The following GAS2 variants were observed in gnomAD, a reference collection of about 807,000 sequenced individuals.
GAS2 encodes the protein growth arrest specific 2, also known as growth arrest-specific protein 2.
Under a neutral mutation model 37.5 loss-of-function variants are expected in GAS2, and 20 were observed. That is an observed-to-expected ratio of 0.53 (90% CI 0.37 to 0.77). GAS2 has a LOEUF of 0.77. GAS2 is among the 30% of genes least tolerant of loss of function. The pLI, the probability that GAS2 is intolerant of heterozygous loss-of-function variation, is 0.00. For synonymous variants in GAS2, 144 were observed against 132.2 expected (o/e 1.09, Z -0.61); for missense variants, 336 against 373.4 (o/e 0.90, Z 0.82).
At chr11:22,700,165 A>G (rs148451692) in intron 3 of GAS2, among the ~76,000 whole-genome samples, 2 of 152,278 alleles carry the variant, frequency 1.3e-5, no homozygotes, top group Admixed American at 1.3e-4. Context: ...ATCCTTGAGT[A>G]CATAGTTTAT....
At chr11:22,688,233 T>C (rs890042418) in intron 3 of GAS2, 1 of 152,184 alleles carries the variant, frequency 6.6e-6, no homozygotes, top group Non-Finnish European at 1.5e-5. Context: ...CATAGAGCAT[T>C]GCACAAAATA....
At chr11:22,769,513 A>G (rs542990448) in intron 7 of GAS2, among the ~76,000 whole-genome samples, 1 of 152,376 alleles carries the variant, frequency 6.6e-6, no homozygotes, top group East Asian at 1.9e-4. Context: ...ATGTATACAT[A>G]TATCAACTAG....
intron 3 of GAS2, among the ~76,000 whole-genome samples, chr11:22,719,160 AT>A (rs1314603537): frequency 6.6e-6 from 1 of 152,026 alleles, no homozygotes; most frequent in Non-Finnish European, 1.5e-5. Context: ...CACTCCACTT[AT>A]TTTTTTCTGA....
At chr11:22,664,265 A>G (rs11026721), upstream of GAS2, among the ~76,000 whole-genome samples, 564 of 152,274 alleles carry the variant, frequency 3.7e-3, 13 homozygotes, top group East Asian at 0.075. Flanking sequence ...AGTGAGTACT[A>G]CATATATTAT....
At chr11:22,659,369 A>G (rs1237702384) in intron 1 of GAS2, among the ~76,000 whole-genome samples, 1 of 152,220 alleles carries the variant, frequency 6.6e-6, no homozygotes, top group African/African-American at 2.4e-5. Flanking sequence ...AGGCACTTTC[A>G]GTCTCCTGGC....
chr11:22,670,449 G>C (rs1849154979), intron 1 of GAS2, among the ~76,000 whole-genome samples: 1 of 152,052 alleles, frequency 6.6e-6, no homozygotes, highest in Non-Finnish European at 1.5e-5. Flanking sequence ...ATTATCTACT[G>C]TATCATTAAT....
intron 7 of GAS2, among the ~76,000 whole-genome samples, chr11:22,769,288 G>C: frequency 6.6e-6 from 1 of 152,194 alleles, no homozygotes; most frequent in East Asian, 1.9e-4. Context: ...GCAGGTAGGG[G>C]CATGCATTCC....
rs1381067958 is a variant in GAS2 at position 22,812,825 on chromosome 11, T to A, written c.*809T>A. Reference sequence around the variant, plus strand: ...AAAGCATTTTCTTATTAAAAATATATCTTTAGTTAATCCTATTTTGCTATG... The same window carrying A: ...AAAGCATTTTCTTATTAAAAATATAACTTTAGTTAATCCTATTTTGCTATG... On this transcript the variant is annotated 3_prime_UTR_variant, in exon 8 of 8. Coordinates refer to ENST00000454584, the MANE Select transcript of GAS2 (RefSeq NM_001143830.3). 1.3e-5 allele frequency: 2 copies of A among 152,272 alleles called. No individual in the cohort carries two copies. Among genetic ancestry groups the A allele is most frequent in the African/African-American group, 4.9e-5 (2 of 41,142 alleles). 9.4% of individuals were successfully genotyped at this position (152,272 alleles called of 1,614,324 possible).
chr11:22,696,523 C>G (rs1378244024), intron 3 of GAS2, among the ~76,000 whole-genome samples: 1 of 152,188 alleles, frequency 6.6e-6, no homozygotes, highest in South Asian at 2.1e-4. Flanking sequence ...GCCACACTGA[C>G]TTCCACAATG....
intron 3 of GAS2, among the ~76,000 whole-genome samples, chr11:22,695,440 G>C (rs374271514): frequency 6.6e-6 from 1 of 152,064 alleles, no homozygotes; most frequent in African/African-American, 2.4e-5. Flanking sequence ...GGAGCATACC[G>C]GGTGTAGAGG....
chr11:22,799,942 C>T (rs1399886016), intron 7 of GAS2, among the ~76,000 whole-genome samples: 2 of 152,066 alleles, frequency 1.3e-5, no homozygotes, highest in East Asian at 3.9e-4. Flanking sequence ...AAGGGATTCA[C>T]TTTAATTCAC....
intron 1 of GAS2, among the ~76,000 whole-genome samples, chr11:22,657,981 C>G (rs780791575): frequency 6.6e-5 from 10 of 151,358 alleles, no homozygotes; most frequent in Non-Finnish European, 1.2e-4. Flanking sequence ...TTAAAACGAT[C>G]CAGATGTATT....
intron 1 of GAS2, among the ~76,000 whole-genome samples, chr11:22,647,994 TG>T (rs1848723838): frequency 6.6e-6 from 1 of 152,220 alleles, no homozygotes; most frequent in Non-Finnish European, 1.5e-5. Flanking sequence ...ATGAAGTCCT[TG>T]CCCATACCTA....
At chr11:22,629,047 A>G (rs1858708259) in intron 1 of GAS2, among the ~76,000 whole-genome samples, 1 of 152,130 alleles carries the variant, frequency 6.6e-6, no homozygotes, top group South Asian at 2.1e-4. Flanking sequence ...ATATATATAT[A>G]TAACTTTTTT....
chr11:22,773,178 G>C (rs1855075930), intron 7 of GAS2, among the ~76,000 whole-genome samples: 1 of 151,860 alleles, frequency 6.6e-6, no homozygotes, highest in African/African-American at 2.4e-5. Flanking sequence ...CTGTGGTCGC[G>C]GTTCATTTTC....
chr11:22,651,276 G>C (rs1017710684), intron 1 of GAS2, among the ~76,000 whole-genome samples: 1 of 152,184 alleles, frequency 6.6e-6, no homozygotes, highest in Admixed American at 6.5e-5. Flanking sequence ...TAGAGTTTCT[G>C]CTGAGAGATC....
intron 6 of GAS2, among the ~76,000 whole-genome samples, chr11:22,753,306 G>A (rs1424514882): frequency 6.6e-6 from 1 of 151,980 alleles, no homozygotes; most frequent in Non-Finnish European, 1.5e-5. Context: ...TTCCATTTCT[G>A]CTTCCACCTC....
At chr11:22,654,893 C>T (rs961074123) in intron 1 of GAS2, among the ~76,000 whole-genome samples, 3 of 152,094 alleles carry the variant, frequency 2.0e-5, no homozygotes, top group Admixed American at 1.3e-4. Flanking sequence ...TACTAGTCTT[C>T]ATGATTAGAA....
intron 7 of GAS2, among the ~76,000 whole-genome samples, chr11:22,762,424 C>A (rs1854441762): frequency 6.6e-6 from 1 of 152,024 alleles, no homozygotes; most frequent in Non-Finnish European, 1.5e-5. Flanking sequence ...TAGAGAAGTT[C>A]TTAAGTAAGT....
Sources: allele counts gnomAD v4.1 joint callset (sites outside exome capture counted in the v4.1 genomes callset), GRCh38; gene constraint gnomAD v4.1.1; transcripts MANE v1.5; gene names NCBI Gene and HGNC (gene_info 2026-07-23, HGNC 2026-07-21).